CD200R1L: variants seen among roughly 807,000 people sequenced by gnomAD.
CD200R1L encodes the protein cell surface glycoprotein CD200 receptor 2.
A neutral mutation model predicts 24.8 loss-of-function variants in CD200R1L; 14 were observed. The ratio of observed to expected loss-of-function variants is 0.56; its 90% CI spans 0.37 to 0.88. The LOEUF (loss-of-function observed/expected upper bound fraction) is 0.88. CD200R1L is among the 40% of genes least tolerant of loss of function. CD200R1L has a pLI of 0.00. For missense variants in CD200R1L, 299 were observed against 297.8 expected (o/e 1.00, Z -0.03); for synonymous variants, 111 against 109.2 (o/e 1.02, Z -0.11).
At chr3:112,838,530 A>T (rs1429853242) in intron 2 of CD200R1L, among the ~76,000 whole-genome samples, 1 of 151,988 alleles carries the variant, frequency 6.6e-6, no homozygotes, top group Non-Finnish European at 1.5e-5. Context: ...GTAAAAAATG[A>T]CAAAGAAACA....
At chr3:112,818,299 A>G (rs1190316106) in intron 7 of CD200R1L, among the ~76,000 whole-genome samples, 1 of 152,210 alleles carries the variant, frequency 6.6e-6, no homozygotes, top group Non-Finnish European at 1.5e-5. Context: ...TACTCTTAGC[A>G]TCATTAATCC....
intron 6 of CD200R1L, among the ~76,000 whole-genome samples, chr3:112,825,012 C>T (rs751673175): frequency 2.6e-5 from 4 of 152,168 alleles, no homozygotes; most frequent in South Asian, 4.2e-4. Context: ...CCCAGGCGGG[C>T]GGATCACCAG....
At chr3:112,838,187 A>G (rs1939001842) in intron 2 of CD200R1L, among the ~76,000 whole-genome samples, 177 bp from the exon 3 acceptor site, 1 of 146,524 alleles carries the variant, frequency 6.8e-6, no homozygotes, top group Non-Finnish European at 1.5e-5. Flanking sequence ...CAGTGAGACC[A>G]TAACTAGATA....
intron 2 of CD200R1L, among the ~76,000 whole-genome samples, chr3:112,839,996 C>T (rs1180983379): frequency 6.6e-6 from 1 of 152,150 alleles, no homozygotes; most frequent in Non-Finnish European, 1.5e-5. Context: ...GAAGTTACAC[C>T]ACACACCAAA....
At chr3:112,828,329 G>A (rs1037238148) in intron 4 of CD200R1L, among the ~76,000 whole-genome samples, 1 of 152,144 alleles carries the variant, frequency 6.6e-6, no homozygotes, top group Non-Finnish European at 1.5e-5. Context: ...GAGAATTACA[G>A]TCAGTGAGAT....
intron 6 of CD200R1L, among the ~76,000 whole-genome samples, chr3:112,820,203 A>G (rs538405128): frequency 1.3e-5 from 2 of 152,340 alleles, no homozygotes; most frequent in East Asian, 1.9e-4. Flanking sequence ...TTTCCCCTGT[A>G]TATTCCAACT....
chr3:112,845,621 C>T, intron 2 of CD200R1L, 58 bp downstream of exon 2: 1 of 1,350,474 alleles, frequency 7.4e-7, no homozygotes, highest in South Asian at 1.2e-5. Flanking sequence ...AGAGTATCCT[C>T]ATAATCATTG....
chr3:112,843,867 C>T (rs1290133900), intron 2 of CD200R1L, among the ~76,000 whole-genome samples: 1 of 152,070 alleles, frequency 6.6e-6, no homozygotes, highest in African/African-American at 2.4e-5. Context: ...AGATCTATCA[C>T]ACAAACGGAA....
chr3:112,845,273 A>G (rs1939175607), intron 2 of CD200R1L, among the ~76,000 whole-genome samples: 1 of 152,228 alleles, frequency 6.6e-6, no homozygotes, highest in Admixed American at 6.5e-5. Context: ...ATGCACACAC[A>G]CTAGAAAAAT....
At chr3:112,825,066 T>C (rs1240141521) in intron 6 of CD200R1L, among the ~76,000 whole-genome samples, 1 of 151,654 alleles carries the variant, frequency 6.6e-6, no homozygotes, top group Non-Finnish European at 1.5e-5. Context: ...TGAAACCCCG[T>C]CTCTACAAAA....
chr3:112,841,713 C>CA (rs1939085199), intron 2 of CD200R1L, among the ~76,000 whole-genome samples: 1 of 152,224 alleles, frequency 6.6e-6, no homozygotes, highest in Non-Finnish European at 1.5e-5. Flanking sequence ...AGGGTGCACA[C>CA]AGCACAGCCT....
At position 112,827,478 on chromosome 3, in the gene CD200R1L, T is replaced by A; in HGVS notation, c.256A>T (p.Asn86Tyr). The A allele has an allele frequency of 6.2e-7, 1 of 1,614,140 alleles. No individual in the cohort carries two copies. The highest frequency in any genetic ancestry group is 8.5e-7 in the Non-Finnish European group (1 of 1,179,998). ...ACCGGACGAATCTGAAGGTCCGAAT[T>A]CTGATCAGGTCTAGAGACCCAGGTT... ...RITWVSRPDQ[N>Y]SDLQIRPVDT... The change falls in exon 5 of 8, where the codon AAT becomes TAT. Residue 86 changes from asparagine (N) to tyrosine (Y), a missense_variant. Asn to Tyr is a moderately radical substitution (Grantham distance 143). Coordinates refer to ENST00000488794, the MANE Select transcript of CD200R1L (RefSeq NM_001199215.3).
At chr3:112,823,769 A>G (rs907437318) in intron 6 of CD200R1L, among the ~76,000 whole-genome samples, 5 of 152,236 alleles carry the variant, frequency 3.3e-5, no homozygotes, top group Non-Finnish European at 7.3e-5. Flanking sequence ...ATCAAATGCA[A>G]TGGAAGAAGA....
intron 3 of CD200R1L, among the ~76,000 whole-genome samples, chr3:112,834,262 G>A (rs1298767399): frequency 7.5e-6 from 1 of 133,148 alleles, no homozygotes; most frequent in Non-Finnish European, 1.5e-5. Flanking sequence ...TTTTGAGACC[G>A]AGTCTCACTC....
At chr3:112,833,961 G>T (rs6438108) in intron 3 of CD200R1L, among the ~76,000 whole-genome samples, 2 of 152,140 alleles carry the variant, frequency 1.3e-5, no homozygotes, top group Non-Finnish European at 2.9e-5. Flanking sequence ...AAATGGTTTG[G>T]CTTGTTTGGT....
At chr3:112,828,165 G>A (rs1938712453) in intron 4 of CD200R1L, among the ~76,000 whole-genome samples, 1 of 152,172 alleles carries the variant, frequency 6.6e-6, no homozygotes, top group Non-Finnish European at 1.5e-5. Context: ...AGAAAAATCA[G>A]TAACATCAAA....
At chr3:112,842,570 G>T (rs990904140) in intron 2 of CD200R1L, among the ~76,000 whole-genome samples, 2 of 152,134 alleles carry the variant, frequency 1.3e-5, no homozygotes, top group Non-Finnish European at 2.9e-5. Context: ...TGCCTGCGGG[G>T]TCGGGCAAAA....
chr3:112,831,336 T>G (rs1938793878), intron 3 of CD200R1L, among the ~76,000 whole-genome samples: 2 of 152,214 alleles, frequency 1.3e-5, no homozygotes, highest in South Asian at 4.1e-4. Flanking sequence ...ATACTGTATA[T>G]AAGGCTTCAG....
chr3:112,832,724 T>G (rs1288455569), intron 3 of CD200R1L, among the ~76,000 whole-genome samples: 4 of 152,164 alleles, frequency 2.6e-5, no homozygotes, highest in Non-Finnish European at 5.9e-5. Context: ...CCAGTTGCAG[T>G]ATGTGGTTAT....
Sources: allele counts gnomAD v4.1 joint callset (sites outside exome capture counted in the v4.1 genomes callset), GRCh38; gene constraint gnomAD v4.1.1; transcripts MANE v1.5; gene names NCBI Gene and HGNC (gene_info 2026-07-23, HGNC 2026-07-21).